RBFOX1: variants seen among roughly 807,000 people sequenced by gnomAD.
RBFOX1 encodes the protein RNA binding fox-1 homolog 1.
A neutral mutation model predicts 57.7 loss-of-function variants in RBFOX1; 8 were observed. That is an observed-to-expected ratio of 0.14 (90% CI 0.08 to 0.25). The LOEUF (loss-of-function observed/expected upper bound fraction) is 0.25. RBFOX1 is among the 10% of genes least tolerant of loss of function. RBFOX1 has a pLI of 1.00. For synonymous variants in RBFOX1, 326 were observed against 222.4 expected (o/e 1.47, Z -4.15); for missense variants, 611 against 548.5 (o/e 1.11, Z -1.14).
At chr16:5,812,805 G>C (rs1481201498) in intron 3 of RBFOX1, among the ~76,000 whole-genome samples, 1 of 151,974 alleles carries the variant, frequency 6.6e-6, no homozygotes, top group African/African-American at 2.4e-5. Flanking sequence ...GTATATACGG[G>C]TATATGACTG....
At chr16:6,603,903 G>A (rs781740657) in intron 2 of RBFOX1, among the ~76,000 whole-genome samples, 1 of 152,110 alleles carries the variant, frequency 6.6e-6, no homozygotes, top group Non-Finnish European at 1.5e-5. Flanking sequence ...ACTTTGTGAT[G>A]TGTCTCAGCT....
intron 4 of RBFOX1, among the ~76,000 whole-genome samples, chr16:5,968,675 C>T (rs1022251487): frequency 1.3e-5 from 2 of 151,912 alleles, no homozygotes; most frequent in African/African-American, 4.8e-5. Context: ...TGACAAAGGA[C>T]ACTTGAGAAC....
chr16:6,134,839 A>G (rs1327059471), intron 1 of RBFOX1, among the ~76,000 whole-genome samples: 1 of 111,940 alleles, frequency 8.9e-6, no homozygotes, highest in African/African-American at 3.6e-5. Flanking sequence ...TACCCCAGGC[A>G]GGCCATTTTT....
intron 3 of RBFOX1, among the ~76,000 whole-genome samples, chr16:5,715,234 G>A (rs770893640): frequency 6.6e-6 from 1 of 152,090 alleles, no homozygotes. Context: ...AATCAGGTCT[G>A]CCTTATTTCG....
intron 4 of RBFOX1, among the ~76,000 whole-genome samples, chr16:5,922,195 A>T (rs558637887): frequency 1.3e-5 from 2 of 152,070 alleles, no homozygotes; most frequent in Non-Finnish European, 1.5e-5. Context: ...CTAGCTCTCT[A>T]TGTGAACTCA....
intron 4 of RBFOX1, among the ~76,000 whole-genome samples, chr16:7,138,037 C>A (rs1444631566): frequency 6.6e-6 from 1 of 152,088 alleles, no homozygotes; most frequent in Non-Finnish European, 1.5e-5. Context: ...AGCAGAGGAG[C>A]TGGAATTTTA....
At chr16:5,919,587 G>T (rs548292333) in intron 4 of RBFOX1, among the ~76,000 whole-genome samples, 1 of 152,064 alleles carries the variant, frequency 6.6e-6, no homozygotes, top group Non-Finnish European at 1.5e-5. Context: ...GAGGTGATCC[G>T]CATGCCTCGG....
intron 3 of RBFOX1, among the ~76,000 whole-genome samples, chr16:6,838,049 T>C (rs886098455): frequency 6.6e-6 from 1 of 151,824 alleles, no homozygotes; most frequent in African/African-American, 2.4e-5. Flanking sequence ...CCGGGATGCA[T>C]GTGCAGAACA....
chr16:5,882,846 A>G (rs551380564), intron 4 of RBFOX1, among the ~76,000 whole-genome samples: 1 of 152,364 alleles, frequency 6.6e-6, no homozygotes, highest in Non-Finnish European at 1.5e-5. Flanking sequence ...TTTATAAGCC[A>G]TGGAGAGTCT....
chr16:6,985,514 G>A (rs538358420), intron 3 of RBFOX1, among the ~76,000 whole-genome samples: 3 of 152,118 alleles, frequency 2.0e-5, no homozygotes, highest in East Asian at 3.9e-4. Context: ...AACACTATGT[G>A]TGGAAAATAC....
chr16:5,408,896 C>G (rs887608115), intron 1 of RBFOX1, among the ~76,000 whole-genome samples: 2 of 152,214 alleles, frequency 1.3e-5, no homozygotes, highest in Admixed American at 6.5e-5. Flanking sequence ...GAGGGTGTTA[C>G]ACCATTCATG....
chr16:5,984,551 C>G (rs1338811590), intron 4 of RBFOX1, among the ~76,000 whole-genome samples: 2 of 152,016 alleles, frequency 1.3e-5, no homozygotes, highest in Admixed American at 6.5e-5. Context: ...CTTACCTAAC[C>G]CTTGGAACAA....
chr16:7,145,246 C>G (rs1024554344), intron 4 of RBFOX1, among the ~76,000 whole-genome samples: 1 of 151,978 alleles, frequency 6.6e-6, no homozygotes, highest in Non-Finnish European at 1.5e-5. Context: ...GCTCTGTTGC[C>G]CAGGCTGGAG....
At chr16:7,475,390 C>A (rs975557279) in intron 4 of RBFOX1, among the ~76,000 whole-genome samples, 4 of 151,070 alleles carry the variant, frequency 2.6e-5, no homozygotes, top group African/African-American at 9.8e-5. Context: ...TCTCGGCTCA[C>A]TGCAACTTCT....
chr16:7,535,728 C>A (rs566873298), intron 5 of RBFOX1, among the ~76,000 whole-genome samples: 2 of 152,188 alleles, frequency 1.3e-5, no homozygotes, highest in Admixed American at 6.5e-5. Context: ...ATCACACATA[C>A]ATTAATCTAC....
chr16:7,693,295 A>T (rs2077787481), intron 14 of RBFOX1: 2 of 1,611,738 alleles, frequency 1.2e-6, no homozygotes, highest in Admixed American at 3.3e-5. Flanking sequence ...CAGTATTGTG[A>T]ATTTTATCTT....
chr16:6,274,442 C>T (rs1457634779), intron 1 of RBFOX1, among the ~76,000 whole-genome samples: 1 of 152,042 alleles, frequency 6.6e-6, no homozygotes, highest in African/African-American at 2.4e-5. Flanking sequence ...AATTATGCCG[C>T]ATGAAAAATT....
chr16:7,601,817 A>C (rs749331769), intron 9 of RBFOX1, among the ~76,000 whole-genome samples: 11 of 152,198 alleles, frequency 7.2e-5, no homozygotes, highest in Non-Finnish European at 1.0e-4. Context: ...CCGATGTTTC[A>C]AGAGAAATAG....
intron 4 of RBFOX1, among the ~76,000 whole-genome samples, chr16:7,268,986 G>A (rs1163879947): frequency 2.9e-5 from 4 of 140,350 alleles, no homozygotes; most frequent in East Asian, 2.1e-4. Context: ...GCAGTGAGCC[G>A]AGATCACGCC....
Sources: allele counts gnomAD v4.1 joint callset (sites outside exome capture counted in the v4.1 genomes callset), GRCh38; gene constraint gnomAD v4.1.1; transcripts MANE v1.5; gene names NCBI Gene and HGNC (gene_info 2026-07-23, HGNC 2026-07-21).